The following CRADD variants were observed in gnomAD, a reference collection of about 807,000 sequenced individuals.
The protein encoded by CRADD is CARD and death domain containing adaptor protein, also known as death domain-containing protein CRADD.
In CRADD, 9 loss-of-function variants were observed where a neutral mutation model predicts 15.5. The observed-to-expected ratio is 0.58, with a 90% CI of 0.35 to 1.01. The LOEUF (loss-of-function observed/expected upper bound fraction) is 1.01, where lower values mean the gene tolerates loss of function less well. Ranked by LOEUF, CRADD falls within the 50% of genes least tolerant of loss-of-function variation. CRADD has a pLI of 0.02. For missense variants in CRADD, 227 were observed against 250.3 expected, an observed-to-expected ratio of 0.91 and a Z score of 0.63; for synonymous variants, 118 against 107.6, an observed-to-expected ratio of 1.10 and a Z score of -0.60.
At chr12:93,700,363 C>T (rs961214637) in intron 2 of CRADD, among the ~76,000 whole-genome samples, 5 of 152,164 alleles carry the variant, frequency 3.3e-5, no homozygotes, top group Non-Finnish European at 5.9e-5. Flanking sequence ...CACACCATTC[C>T]AGCATCCATT....
chr12:93,776,690 C>G (rs1327487243), intron 2 of CRADD, among the ~76,000 whole-genome samples: 1 of 152,120 alleles, frequency 6.6e-6, no homozygotes, highest in African/African-American at 2.4e-5. Context: ...AATGGATAAA[C>G]AAAATGGGGC....
intron 2 of CRADD, among the ~76,000 whole-genome samples, chr12:93,849,740 CAAAAA>C (rs77041843): frequency 4.8e-5 from 3 of 62,252 alleles, no homozygotes; most frequent in South Asian, 1.2e-3. Flanking sequence ...AACACCGTCT[CAAAAA>C]AAAAAAAAAA....
intron 2 of CRADD, among the ~76,000 whole-genome samples, chr12:93,812,168 C>T (rs1957635220): frequency 6.6e-6 from 1 of 152,090 alleles, no homozygotes; most frequent in African/African-American, 2.4e-5. Flanking sequence ...GGCAGTGAAA[C>T]TCTTCTATAG....
intron 2 of CRADD, among the ~76,000 whole-genome samples, chr12:93,685,370 T>C (rs1955406147): frequency 1.3e-5 from 2 of 152,250 alleles, no homozygotes; most frequent in African/African-American, 4.8e-5. Flanking sequence ...CCTAGCACTG[T>C]AGGGTGAATA....
chr12:93,847,323 T>TAATATAATTTAAAATTATG (rs1478789239), intron 2 of CRADD, among the ~76,000 whole-genome samples: 7 of 151,106 alleles, frequency 4.6e-5, no homozygotes, highest in African/African-American at 1.7e-4. Flanking sequence ...ATTATTTAAA[T>TAATATAATTTAAAATTATG]AATATAATTT....
chr12:93,700,015 G>A (rs974982646), intron 2 of CRADD, among the ~76,000 whole-genome samples: 10 of 152,276 alleles, frequency 6.6e-5, no homozygotes, highest in African/African-American at 2.2e-4. Flanking sequence ...GGAGTGCTTC[G>A]AAGGTGAATC....
chr12:93,838,406 C>T (rs911631330), intron 2 of CRADD, among the ~76,000 whole-genome samples: 1 of 151,714 alleles, frequency 6.6e-6, no homozygotes, highest in Non-Finnish European at 1.5e-5. Context: ...TCTACTCACT[C>T]CACTCACTCC....
At chr12:93,803,646 A>T (rs1189404794) in intron 2 of CRADD, among the ~76,000 whole-genome samples, 1 of 152,124 alleles carries the variant, frequency 6.6e-6, no homozygotes, top group Admixed American at 6.6e-5. Context: ...GTCTCAAATT[A>T]CTTCCAGCTG....
chr12:93,731,137 A>C (rs190684541), intron 2 of CRADD, among the ~76,000 whole-genome samples: 3 of 152,234 alleles, frequency 2.0e-5, no homozygotes, highest in Admixed American at 6.5e-5. Flanking sequence ...CCAAGAAAAA[A>C]GTCTGGGGAG....
At chr12:93,730,992 A>T (rs1287587613) in intron 2 of CRADD, among the ~76,000 whole-genome samples, 1 of 152,186 alleles carries the variant, frequency 6.6e-6, no homozygotes, top group Non-Finnish European at 1.5e-5. Flanking sequence ...TGCTGGGATT[A>T]TAGGTGTGAG....
chr12:93,687,423 A>G (rs913027666), intron 2 of CRADD, among the ~76,000 whole-genome samples: 2 of 152,134 alleles, frequency 1.3e-5, no homozygotes, highest in Non-Finnish European at 2.9e-5. Flanking sequence ...TTACAAAACT[A>G]CTGATGCCCA....
intron 2 of CRADD, among the ~76,000 whole-genome samples, chr12:93,846,841 C>G (rs1312095956): frequency 6.6e-6 from 1 of 152,198 alleles, no homozygotes; most frequent in Non-Finnish European, 1.5e-5. Flanking sequence ...TGGCTCACGC[C>G]TGTAGTCCCA....
At chr12:93,707,561 A>G (rs992735492) in intron 2 of CRADD, among the ~76,000 whole-genome samples, 1 of 152,154 alleles carries the variant, frequency 6.6e-6, no homozygotes, top group Non-Finnish European at 1.5e-5. Context: ...GGTTTCCCAA[A>G]ATGTGAGGAT....
intron 2 of CRADD, among the ~76,000 whole-genome samples, chr12:93,761,508 G>C (rs381492): frequency 0.013 from 1,961 of 152,260 alleles, 22 homozygotes; most frequent in Middle Eastern, 0.024. Flanking sequence ...CAGAACAATT[G>C]GGTGGGTGGA....
chr12:93,795,210 C>A (rs1957401284), intron 2 of CRADD, among the ~76,000 whole-genome samples: 1 of 152,162 alleles, frequency 6.6e-6, no homozygotes, highest in South Asian at 2.1e-4. Context: ...ATGTTTATTG[C>A]ATGAATAAAC....
intron 2 of CRADD, among the ~76,000 whole-genome samples, chr12:93,892,313 A>T (rs188048992): frequency 1.3e-5 from 2 of 152,316 alleles, no homozygotes; most frequent in Admixed American, 6.5e-5. Flanking sequence ...ATTTTCACTT[A>T]AAAATATTGC....
intron 1 of CRADD, 137 bp from the exon 2 acceptor site, chr12:93,678,632 A>G: frequency 1.2e-6 from 1 of 827,706 alleles, no homozygotes; most frequent in Non-Finnish European, 1.9e-6. Flanking sequence ...TTAATCAGTG[A>G]ATTAAATACC....
At chr12:93,682,716 C>T (rs183076535) in intron 2 of CRADD, among the ~76,000 whole-genome samples, 52 of 152,052 alleles carry the variant, frequency 3.4e-4, no homozygotes, top group African/African-American at 1.2e-3. Flanking sequence ...CTCTTCTGAA[C>T]GCCACCCCCA....
intron 2 of CRADD, among the ~76,000 whole-genome samples, chr12:93,788,647 T>G (rs1415457877): frequency 3.3e-5 from 5 of 152,192 alleles, no homozygotes; most frequent in African/African-American, 1.2e-4. Context: ...GTTGTCTAGT[T>G]GTCTAGATAT....
Sources: gnomAD v4.1 joint callset for allele counts (sites outside exome capture counted in the v4.1 genomes callset) on GRCh38, gnomAD v4.1.1 for gene constraint, MANE v1.5 for transcripts, NCBI Gene and HGNC (gene_info 2026-07-23, HGNC 2026-07-21) for gene names.